The following SGCZ variants were observed in gnomAD, a reference collection of about 807,000 sequenced individuals.
SGCZ encodes sarcoglycan zeta.
In SGCZ, 40 loss-of-function variants were observed where a neutral mutation model predicts 41.3. The ratio of observed to expected loss-of-function variants is 0.97; its 90% CI spans 0.75 to 1.26. The LOEUF (loss-of-function observed/expected upper bound fraction) is 1.26, where lower values mean the gene tolerates loss of function less well. SGCZ is among the 50% of genes most tolerant of loss of function. The pLI, the probability that SGCZ is intolerant of heterozygous loss-of-function variation, is 0.00. For missense variants in SGCZ, 552 were observed against 369.8 expected (o/e 1.49, Z -4.04); for synonymous variants, 206 against 137.5 (o/e 1.50, Z -3.49).
At chr8:14,766,853 C>T (rs546962015) in intron 1 of SGCZ, among the ~76,000 whole-genome samples, 129 of 150,914 alleles carry the variant, frequency 8.5e-4, no homozygotes, top group Non-Finnish European at 1.4e-3. Context: ...GCTGGGATTA[C>T]AGGCATGAGC....
intron 1 of SGCZ, among the ~76,000 whole-genome samples, chr8:15,181,928 T>C (rs1800191998): frequency 6.6e-6 from 1 of 152,186 alleles, no homozygotes; most frequent in Non-Finnish European, 1.5e-5. Flanking sequence ...TTTTCAACTT[T>C]CAATTTTTGA....
intron 1 of SGCZ, among the ~76,000 whole-genome samples, chr8:15,172,138 A>T (rs1585637658): frequency 7.8e-6 from 1 of 128,940 alleles, no homozygotes; most frequent in African/African-American, 2.8e-5. Flanking sequence ...AAGGAAAAAA[A>T]TGCCTTTTAT....
intron 1 of SGCZ, among the ~76,000 whole-genome samples, chr8:14,914,223 T>G (rs1295282590): frequency 6.9e-6 from 1 of 144,052 alleles, no homozygotes; most frequent in African/African-American, 2.8e-5. Context: ...TATATAAATA[T>G]GTATGCGTAT....
rs1028309940 is a variant in SGCZ, at chr8:14,505,097, C to T, written c.234+49635G>A. 4.5e-4 allele frequency among the ~76,000 whole-genome samples: 68 copies of T among 152,074 alleles called. 1 individual carries two copies. The highest frequency in any genetic ancestry group is 1.3e-3 in the African/African-American group (52 of 41,460). On this transcript the variant is annotated intron_variant, in intron 2 of 7. Transcript: ENST00000382080. ...TCATGGGTTCACGACTGTAGTGGGC[C>T]GTGATCATGCCACCACACTCCAGCC...
At chr8:15,077,919 G>A (rs1025103844) in intron 1 of SGCZ, among the ~76,000 whole-genome samples, 1 of 150,318 alleles carries the variant, frequency 6.7e-6, no homozygotes, top group Non-Finnish European at 1.5e-5. Context: ...GAGAATCTTC[G>A]ACTGGTCCCA....
intron 4 of SGCZ, among the ~76,000 whole-genome samples, chr8:14,236,183 A>C (rs1410704007): frequency 1.3e-5 from 2 of 152,198 alleles, no homozygotes; most frequent in Non-Finnish European, 2.9e-5. Flanking sequence ...ATGAATATTT[A>C]AGTGGATGGT....
At chr8:14,846,322 C>A (rs1160452610) in intron 1 of SGCZ, among the ~76,000 whole-genome samples, 1 of 151,428 alleles carries the variant, frequency 6.6e-6, no homozygotes, top group Non-Finnish European at 1.5e-5. Context: ...ACAGTTATAA[C>A]AAAAACAAAA....
chr8:14,165,534 A>C (rs1435935956), intron 4 of SGCZ, among the ~76,000 whole-genome samples: 1 of 152,162 alleles, frequency 6.6e-6, no homozygotes, highest in Non-Finnish European at 1.5e-5. Flanking sequence ...GCAGTAATTC[A>C]TCTTCCCATA....
intron 2 of SGCZ, among the ~76,000 whole-genome samples, chr8:14,429,920 C>CT (rs1405924756): frequency 6.6e-6 from 1 of 151,986 alleles, no homozygotes; most frequent in Non-Finnish European, 1.5e-5. Context: ...TATCTATCTC[C>CT]TCTAGTTTTC....
rs1806432293 is a variant in SGCZ at position 15,097,870 on chromosome 8, ATATATATATATACGTGTG to A, written c.39+139697_39+139714del. The stretch of plus-strand genomic sequence containing the variant: ...TATATATATATACGTGTGTGTGTAT[ATATATATATATACGTGTG>A]TATATATATATATATATATATACGT... On this transcript the variant is annotated intron_variant, in intron 1 of 7. Transcript: ENST00000382080. Among the ~76,000 whole-genome samples the A allele has an allele frequency of 1.7e-4, 4 of 23,758 alleles. No homozygotes were observed. The Admixed American group carries it at 2.8e-3, about 17-fold the overall frequency. The allele number at this position is 23,758 out of a possible 152,430, so 15.6% of individuals were successfully genotyped here.
chr8:14,264,932 C>T (rs934865037), intron 3 of SGCZ, among the ~76,000 whole-genome samples: 4 of 152,114 alleles, frequency 2.6e-5, no homozygotes, highest in East Asian at 1.9e-4. Context: ...CACTGCACTC[C>T]GGCCTGGGTG....
intron 1 of SGCZ, among the ~76,000 whole-genome samples, chr8:14,593,876 T>A (rs988545779): frequency 6.6e-6 from 1 of 152,174 alleles, no homozygotes; most frequent in East Asian, 1.9e-4. Flanking sequence ...GGGAACTTTT[T>A]AATATACAAA....
chr8:14,929,223 C>G (rs2130803202), intron 1 of SGCZ, among the ~76,000 whole-genome samples: 1 of 152,258 alleles, frequency 6.6e-6, no homozygotes, highest in African/African-American at 2.4e-5. Context: ...GAACTCCTGA[C>G]CTCGTGATCC....
At chr8:14,502,633 A>T (rs1585602264) in intron 2 of SGCZ, among the ~76,000 whole-genome samples, 1 of 152,204 alleles carries the variant, frequency 6.6e-6, no homozygotes, top group Admixed American at 6.6e-5. Flanking sequence ...CCCATTAAAA[A>T]GTGGGCGAAG....
chr8:14,806,157 C>A (rs1327857123), intron 1 of SGCZ, among the ~76,000 whole-genome samples: 1 of 152,036 alleles, frequency 6.6e-6, no homozygotes, highest in African/African-American at 2.4e-5. Context: ...ACCCTAACAT[C>A]ACAATAAAAG....
chr8:14,505,792 T>G (rs894989401), intron 2 of SGCZ, among the ~76,000 whole-genome samples: 3 of 152,064 alleles, frequency 2.0e-5, no homozygotes, highest in African/African-American at 7.2e-5. Context: ...GTAATGGTTC[T>G]CAAAAACTGG....
intron 4 of SGCZ, among the ~76,000 whole-genome samples, chr8:14,176,068 C>CA (rs1804533486): frequency 6.6e-6 from 1 of 151,888 alleles, no homozygotes. Context: ...GACCAAAGAA[C>CA]AAAAAGAAAT....
chr8:15,102,893 A>C (rs1217429924), intron 1 of SGCZ, among the ~76,000 whole-genome samples: 1 of 152,204 alleles, frequency 6.6e-6, no homozygotes. Flanking sequence ...TCTTTAGTCC[A>C]AGACTGTGAG....
chr8:14,111,313 T>C (rs954260593), intron 5 of SGCZ, among the ~76,000 whole-genome samples: 6 of 152,180 alleles, frequency 3.9e-5, no homozygotes, highest in Admixed American at 6.5e-5. Flanking sequence ...CATCATATAC[T>C]TGATCTGGAA....
Sources: gnomAD v4.1 joint callset for allele counts (sites outside exome capture counted in the v4.1 genomes callset) on GRCh38, gnomAD v4.1.1 for gene constraint, MANE v1.5 for transcripts, NCBI Gene and HGNC (gene_info 2026-07-23, HGNC 2026-07-21) for gene names.